The following STUM variants were observed in gnomAD, a reference collection of about 807,000 sequenced individuals.
STUM encodes the protein stum, mechanosensory transduction mediator homolog.
Under a neutral mutation model 15.3 loss-of-function variants are expected in STUM, and 8 were observed. The ratio of observed to expected loss-of-function variants is 0.52; its 90% confidence interval spans 0.31 to 0.94. The LOEUF is 0.94. Among genes scored for constraint, STUM ranks in the 40% least tolerant of loss-of-function variants. The pLI, the probability that STUM is intolerant of heterozygous loss-of-function variation, is 0.05. For synonymous variants in STUM, 78 were observed against 88.7 expected, an observed-to-expected ratio of 0.88 and a Z score of 0.68; for missense variants, 142 against 204.9, an observed-to-expected ratio of 0.69 and a Z score of 1.87.
chr1:226,581,637 C>T (rs1448090017), intron 1 of STUM, among the ~76,000 whole-genome samples: 1 of 151,856 alleles, frequency 6.6e-6, no homozygotes, highest in Non-Finnish European at 1.5e-5. Context: ...GTGCAGTGGG[C>T]AGGAGTACAC....
chr1:226,549,164 G>A lies in STUM; in HGVS notation c.202+58G>A, dbSNP rs1571789102. 2.8e-6 allele frequency: 4 copies of A among 1,448,528 alleles called. No homozygotes were observed. Among genetic ancestry groups the A allele is most frequent in the Non-Finnish European group, 3.7e-6 (4 of 1,070,662 alleles). 89.7% of individuals were successfully genotyped at this position (1,448,528 alleles called of 1,614,324 possible). A position where few individuals can be genotyped will look rare whatever the true frequency, so the allele number is the denominator to read the frequency against. On this transcript the variant is annotated intron_variant, in intron 1 of 3. Coordinates refer to ENST00000366788, the MANE Select transcript of STUM (RefSeq NM_001003665.4). The surrounding 1 kb of genome is among the most constrained non-coding windows in gnomAD (Gnocchi z 6.8). The stretch of plus-strand genomic sequence containing the variant: ...CCACCCCGCCGCGGGAGGGCGTGGG[G>A]GGAGAGAAGGGCGCGGCCGGAGACC...
rs1216086536 is a variant in STUM, at chr1:226,608,017, AC to A, written c.*5981del. On this transcript the variant is annotated 3_prime_UTR_variant, in exon 4 of 4. Transcript: ENST00000366788. This position sits in a 1 kb window ranked among gnomAD's most constrained non-coding sequence, Gnocchi z 4.0. Reference sequence around the variant, plus strand: ...ACTTTTTTCCCTCATCACATCCCTGACCCCTGCCCAGCCCACATGCACATGC... The same window carrying A: ...ACTTTTTTCCCTCATCACATCCCTGACCCTGCCCAGCCCACATGCACATGC... 1 of 151,866 alleles carries A rather than the reference AC, an allele frequency of 6.6e-6. No homozygotes were observed. The highest frequency in any genetic ancestry group is 6.6e-5 in the Admixed American group (1 of 15,242). 9.4% of individuals were successfully genotyped at this position (151,866 alleles called of 1,614,324 possible).
At chr1:226,586,289 C>T (rs936044777) in intron 1 of STUM, among the ~76,000 whole-genome samples, 1 of 152,136 alleles carries the variant, frequency 6.6e-6, no homozygotes, top group Admixed American at 6.5e-5. Flanking sequence ...GCTATGAACT[C>T]CCACTGGTGC....
At chr1:226,554,175 C>G (rs4653452) in intron 1 of STUM, among the ~76,000 whole-genome samples, 131,453 of 152,262 alleles carry the variant, frequency 0.86, 56,861 homozygotes, top group East Asian at 0.93. Context: ...TCTTTTCCCT[C>G]TCTCCTGAAA....
chr1:226,599,335 A>T (rs146737708), intron 2 of STUM, among the ~76,000 whole-genome samples: 2 of 152,264 alleles, frequency 1.3e-5, no homozygotes, highest in African/African-American at 4.8e-5. Context: ...TTTTCCCACA[A>T]CTAATCCCAC....
Position 226,608,900 on chromosome 1 carries a change from G to A in STUM, c.*6860G>A, listed in dbSNP as rs930622893. On this transcript the variant is annotated 3_prime_UTR_variant, in exon 4 of 4. Transcript: ENST00000366788. The surrounding 1 kb of genome is among the most constrained non-coding windows in gnomAD (Gnocchi z 4.0). ...GACCTTCCCTGGGAGCTGCTTAGGT[G>A]GTCTCCACAGCGCCCTCTAGGGGCC... 3 of 152,230 alleles carry A rather than the reference G, an allele frequency of 2.0e-5. No individual in the cohort carries two copies. The highest frequency in any genetic ancestry group is 7.2e-5 in the African/African-American group (3 of 41,442). The allele number at this position is 152,230 out of a possible 1,614,324, so 9.4% of individuals were successfully genotyped here.
In STUM at chr1:226,600,931, C is replaced by T. The variant is rs912650802; in HGVS notation, c.391+257C>T. ...GGCCAGCCTCCTTTCCTCTGTCATT[C>T]GCCACATCTCCCCTACCCCAGCATG... On this transcript the variant is annotated intron_variant, in intron 3 of 3. Transcript: ENST00000366788. The surrounding 1 kb of genome is among the most constrained non-coding windows in gnomAD (Gnocchi z 5.2). Among the ~76,000 whole-genome samples the T allele has an allele frequency of 6.6e-6, 1 of 152,292 alleles. No homozygotes were observed. Among genetic ancestry groups the T allele is most frequent in the Admixed American group, 6.5e-5 (1 of 15,306 alleles).
chr1:226,592,936 A>G (rs1240348852), intron 1 of STUM, among the ~76,000 whole-genome samples: 4 of 152,198 alleles, frequency 2.6e-5, no homozygotes, highest in Admixed American at 6.5e-5. Context: ...CTGTAATCCC[A>G]GCACTTTGGG....
rs1382664900 is a variant in STUM, at chr1:226,567,508, G to A, written c.202+18402G>A. 1.3e-5 allele frequency among the ~76,000 whole-genome samples: 2 copies of A among 152,186 alleles called. No homozygotes were observed. Among genetic ancestry groups the A allele is most frequent in the East Asian group, 1.9e-4 (1 of 5,198 alleles). ...TTAATGAGAAGAGGTAGATGGTCCC[G>A]ATGGCCCTAAACAGCATCATTTTTC... On this transcript the variant is annotated intron_variant, in intron 1 of 3. Coordinates refer to ENST00000366788, the MANE Select transcript of STUM (RefSeq NM_001003665.4). This position sits in a 1 kb window ranked among gnomAD's most constrained non-coding sequence, Gnocchi z 4.5.
intron 1 of STUM, among the ~76,000 whole-genome samples, chr1:226,586,192 G>T (rs1331697123): frequency 6.6e-6 from 1 of 152,182 alleles, no homozygotes; most frequent in Non-Finnish European, 1.5e-5. Context: ...AGGGTGCACT[G>T]TTCTCCCACA....
chr1:226,583,128 G>A (rs1297690257), intron 1 of STUM, among the ~76,000 whole-genome samples: 1 of 152,202 alleles, frequency 6.6e-6, no homozygotes, highest in African/African-American at 2.4e-5. Flanking sequence ...CTCAGGAGTG[G>A]CACAGTGCCA....
intron 1 of STUM, among the ~76,000 whole-genome samples, chr1:226,569,654 G>T (rs751802836): frequency 1.3e-5 from 2 of 152,140 alleles, no homozygotes; most frequent in Non-Finnish European, 2.9e-5. Flanking sequence ...AACTTGCATT[G>T]TTTGAAAAGC....
chr1:226,602,054 G>A lies in STUM; in HGVS notation c.*14G>A, dbSNP rs370712642. ...CAGCAGCTGTGAGCCCACGGGAGCC[G>A]CTGGGGAGATCCAGGGGGGCCCTGT... On this transcript the variant is annotated 3_prime_UTR_variant, in exon 4 of 4. Transcript: ENST00000366788. 6.8e-5 allele frequency: 109 copies of A among 1,603,192 alleles called. No individual in the cohort carries two copies. Among genetic ancestry groups the A allele is most frequent in the East Asian group, 2.9e-4 (13 of 44,870 alleles).
At chr1:226,564,471 A>G in intron 1 of STUM, among the ~76,000 whole-genome samples, 1 of 152,160 alleles carries the variant, frequency 6.6e-6, no homozygotes, top group East Asian at 1.9e-4. Flanking sequence ...ATGGGGGGAA[A>G]AGAGTGTGAT....
intron 1 of STUM, among the ~76,000 whole-genome samples, chr1:226,556,432 G>A (rs926560513): frequency 1.3e-5 from 2 of 152,176 alleles, no homozygotes; most frequent in African/African-American, 4.8e-5. Context: ...AGGAAAGGAT[G>A]GGCCATCGGG....
At chr1:226,593,031 C>T (rs1668114661) in intron 1 of STUM, among the ~76,000 whole-genome samples, 1 of 152,144 alleles carries the variant, frequency 6.6e-6, no homozygotes, top group African/African-American at 2.4e-5. Context: ...ACTAAAAATA[C>T]AAAAATTAGC....
intron 1 of STUM, among the ~76,000 whole-genome samples, chr1:226,556,164 T>C (rs906736134): frequency 1.3e-5 from 2 of 152,172 alleles, no homozygotes; most frequent in Admixed American, 6.5e-5. Flanking sequence ...CCAGCTGCCA[T>C]GGGAGTGGTC....
intron 1 of STUM, among the ~76,000 whole-genome samples, chr1:226,562,002 G>T (rs561882416): frequency 4.5e-4 from 69 of 151,666 alleles, no homozygotes; most frequent in Non-Finnish European, 8.0e-4. Flanking sequence ...TATGTCGGGT[G>T]GGGGGTGAGG....
At chr1:226,590,410 A>G (rs992154637) in intron 1 of STUM, among the ~76,000 whole-genome samples, 7 of 152,006 alleles carry the variant, frequency 4.6e-5, no homozygotes, top group African/African-American at 1.7e-4. Flanking sequence ...GACCTGCCCC[A>G]GCACCTCTTC....
Sources: gnomAD v4.1 joint callset for allele counts (sites outside exome capture counted in the v4.1 genomes callset) on GRCh38, gnomAD v4.1.1 for gene constraint, Gnocchi (gnomAD v3.1) non-coding constraint, MANE v1.5 for transcripts, NCBI Gene and HGNC (gene_info 2026-07-23, HGNC 2026-07-21) for gene names.